GALNT11: variants seen among roughly 807,000 people sequenced by gnomAD.
GALNT11 encodes polypeptide N-acetylgalactosaminyltransferase 11, also known as UDP-GalNAc:polypeptide N-acetylgalactosaminyltransferase 11.
In GALNT11, 47 loss-of-function variants were observed where a neutral mutation model predicts 72.7. The ratio of observed to expected loss-of-function variants is 0.65; its 90% confidence interval spans 0.51 to 0.82. The LOEUF (loss-of-function observed/expected upper bound fraction) is 0.82. Ranked by LOEUF, GALNT11 falls within the 40% of genes least tolerant of loss-of-function variation. GALNT11 has a pLI of 0.00. For synonymous variants in GALNT11, 270 were observed against 286.6 expected, an observed-to-expected ratio of 0.94 and a Z score of 0.58; for missense variants, 677 against 778.4, an observed-to-expected ratio of 0.87 and a Z score of 1.55.
Position 152,094,222 on chromosome 7 carries a change from T to A in GALNT11, c.-6T>A. ...ACAATGGCCCTTCAGCTATGCTAGG[T>A]CTATAATGGGAAGTGTCACAGTTCG... On this transcript the variant is annotated 5_prime_UTR_variant, in exon 2 of 12. Coordinates refer to ENST00000430044, the MANE Select transcript of GALNT11 (RefSeq NM_022087.4). The surrounding 1 kb of genome is among the most constrained non-coding windows in gnomAD (Gnocchi z 4.3). The A allele has an allele frequency of 6.9e-6, 11 of 1,587,766 alleles. No homozygotes were observed. The highest frequency in any genetic ancestry group is 9.4e-6 in the Non-Finnish European group (11 of 1,166,538).
At chr7:152,120,372 C>T (rs1372699078) in intron 10 of GALNT11, 1 of 173,238 alleles carries the variant, frequency 5.8e-6, no homozygotes, top group Non-Finnish European at 1.2e-5. Flanking sequence ...ACTGCACTTG[C>T]CATGTCACCC....
chr7:152,106,976 G>A (rs918378792), intron 5 of GALNT11, among the ~76,000 whole-genome samples: 4 of 152,162 alleles, frequency 2.6e-5, no homozygotes, highest in Non-Finnish European at 5.9e-5. Context: ...AAGTGACAGC[G>A]GAGAGCTGCC....
chr7:152,117,522 TG>T, intron 9 of GALNT11, 147 bp downstream of exon 9: 1 of 763,890 alleles, frequency 1.3e-6, no homozygotes, highest in Non-Finnish European at 2.1e-6. Context: ...ATTCTCTTTA[TG>T]GGAACTTCTC....
At chr7:152,119,048 A>G (rs1587507157) in intron 10 of GALNT11, 1 of 278,848 alleles carries the variant, frequency 3.6e-6, no homozygotes, top group Non-Finnish European at 6.6e-6. Context: ...GAGTGGCCTT[A>G]GATGACACCT....
Position 152,094,076 on chromosome 7 carries a change from C to A in GALNT11, c.-38-114C>A. On this transcript the variant is annotated intron_variant, in intron 1 of 11. Coordinates refer to ENST00000430044, the MANE Select transcript of GALNT11 (RefSeq NM_022087.4). The surrounding 1 kb of genome is among the most constrained non-coding windows in gnomAD (Gnocchi z 4.3). ...ATACATCTTCTTGTATTTGAATATCCGTTAACTGTACGCATAGTGGTCCTA... is the reference window on the plus strand; with the variant it reads ...ATACATCTTCTTGTATTTGAATATCAGTTAACTGTACGCATAGTGGTCCTA... The A allele has an allele frequency of 2.4e-6, 2 of 822,002 alleles. No homozygotes were observed. The highest frequency in any genetic ancestry group is 3.8e-6 in the Non-Finnish European group (2 of 523,092). 50.9% of individuals were successfully genotyped at this position (822,002 alleles called of 1,614,324 possible).
At chr7:152,083,558 G>A (rs888008066) in intron 1 of GALNT11, among the ~76,000 whole-genome samples, 7 of 151,906 alleles carry the variant, frequency 4.6e-5, no homozygotes, top group African/African-American at 9.7e-5. Context: ...CTGTCTGTGC[G>A]TGGGCCCTGC....
In GALNT11 at chr7:152,037,455, G is replaced by C. The variant is rs190670227; in HGVS notation, c.-39+11571G>C. The stretch of plus-strand genomic sequence containing the variant: ...TTTATGCTGGTGCCATGCTATTTTG[G>C]TTACTATAGCTCTTTAGTATAATTT... On this transcript the variant is annotated intron_variant, in intron 1 of 11. Transcript: ENST00000430044. 3.3e-4 allele frequency among the ~76,000 whole-genome samples: 51 copies of C among 152,250 alleles called. 1 individual carries two copies. The highest frequency in any genetic ancestry group is 3.3e-3 in the Admixed American group (50 of 15,300).
intron 1 of GALNT11, among the ~76,000 whole-genome samples, chr7:152,046,443 T>G (rs570277696): frequency 1.3e-5 from 2 of 152,340 alleles, no homozygotes; most frequent in African/African-American, 4.8e-5. Flanking sequence ...TCTCTCTCTT[T>G]AGCTCTAATA....
intron 7 of GALNT11, among the ~76,000 whole-genome samples, chr7:152,110,913 C>A (rs7798091): frequency 6.6e-6 from 1 of 151,534 alleles, no homozygotes; most frequent in Non-Finnish European, 1.5e-5. Flanking sequence ...TAGAGATGGG[C>A]GTCTCACTAT....
At chr7:152,036,890 A>G (rs2082606836) in intron 1 of GALNT11, among the ~76,000 whole-genome samples, 1 of 152,230 alleles carries the variant, frequency 6.6e-6, no homozygotes, top group Admixed American at 6.5e-5. Context: ...TCTTATTTTG[A>G]GAAATGTCTA....
chr7:152,047,982 A>G lies in GALNT11; in HGVS notation c.-39+22098A>G, dbSNP rs976875413. On this transcript the variant is annotated intron_variant, in intron 1 of 11. Transcript: ENST00000430044. ...TCTAATATGCTGTGTTTTTCTGTGT[A>G]CTTGCTATTACCACTGAGTTTTGTA... Among the ~76,000 whole-genome samples the G allele has an allele frequency of 4.6e-5, 7 of 152,048 alleles. No homozygotes were observed. In the South Asian group the frequency reaches 1.5e-3, roughly 32 times the overall value.
chr7:152,051,670 A>C (rs1178112924), intron 1 of GALNT11, among the ~76,000 whole-genome samples: 1 of 152,198 alleles, frequency 6.6e-6, no homozygotes, highest in Admixed American at 6.5e-5. Context: ...GACTCTTCAG[A>C]ATTTTAAAAA....
chr7:152,046,780 A>C (rs1183277868), intron 1 of GALNT11, among the ~76,000 whole-genome samples: 1 of 152,100 alleles, frequency 6.6e-6, no homozygotes, highest in South Asian at 2.1e-4. Flanking sequence ...GAGTTAGTCC[A>C]TTTACATTCA....
At chr7:152,025,975 G>A (rs2081988107) in intron 1 of GALNT11, 91 bp downstream of exon 1, 2 of 155,342 alleles carry the variant, frequency 1.3e-5, no homozygotes, top group East Asian at 1.9e-4. Context: ...GCAGGCTGGG[G>A]GCGGCGGCGG....
At chr7:152,099,473 C>T (rs2086632827) in intron 2 of GALNT11, among the ~76,000 whole-genome samples, 2 of 150,024 alleles carry the variant, frequency 1.3e-5, no homozygotes, top group East Asian at 1.9e-4. Flanking sequence ...AAGAGATTCT[C>T]CTGCCTTAGC....
At chr7:152,038,745 T>C in intron 1 of GALNT11, among the ~76,000 whole-genome samples, 1 of 152,244 alleles carries the variant, frequency 6.6e-6, no homozygotes, top group East Asian at 1.9e-4. Flanking sequence ...ACGATCATTG[T>C]TGAAATCACA....
chr7:152,045,350 T>C (rs879940735), intron 1 of GALNT11, among the ~76,000 whole-genome samples: 1 of 152,164 alleles, frequency 6.6e-6, no homozygotes. Context: ...TGGAATAGTT[T>C]CGGTAGGATT....
intron 1 of GALNT11, among the ~76,000 whole-genome samples, chr7:152,026,987 C>A (rs756989029): frequency 6.6e-6 from 1 of 152,206 alleles, no homozygotes; most frequent in Non-Finnish European, 1.5e-5. Context: ...CGGTGGCTCA[C>A]GCCTGTAATC....
At chr7:152,034,612 C>T (rs1340314936) in intron 1 of GALNT11, among the ~76,000 whole-genome samples, 1 of 152,090 alleles carries the variant, frequency 6.6e-6, no homozygotes. Flanking sequence ...GTTTGTTTCT[C>T]CCCCTGCCCA....
Sources: allele counts gnomAD v4.1 joint callset (sites outside exome capture counted in the v4.1 genomes callset), GRCh38; gene constraint gnomAD v4.1.1; non-coding constraint Gnocchi (gnomAD v3.1); transcripts MANE v1.5; gene names NCBI Gene and HGNC (gene_info 2026-07-23, HGNC 2026-07-21).